AFAP1L1: variants seen among roughly 807,000 people sequenced by gnomAD.
AFAP1L1 encodes the protein actin filament associated protein 1 like 1.
AFAP1L1 carries 77 observed loss-of-function variants against 99.8 expected under a neutral mutation model. That is an observed-to-expected ratio of 0.77 (90% confidence interval 0.64 to 0.93). The LOEUF (loss-of-function observed/expected upper bound fraction) is 0.93. Ranked by LOEUF, AFAP1L1 falls within the 40% of genes least tolerant of loss-of-function variation. The pLI is 0.00. For missense variants in AFAP1L1, 893 were observed against 996.8 expected (o/e 0.90, Z 1.40); for synonymous variants, 373 against 395.3 (o/e 0.94, Z 0.67).
In AFAP1L1 at chr5:149,332,825, A is replaced by G. The variant is rs1323732398; in HGVS notation, c.2106A>G (p.Ala702=). 6.2e-7 allele frequency: 1 copy of G among 1,611,638 alleles called. No individual in the cohort carries two copies. Among genetic ancestry groups the G allele is most frequent in the South Asian group, 1.1e-5 (1 of 90,826 alleles). The change falls in exon 17 of 19, where the codon GCA becomes GCG. Residue 702 remains alanine (A), a synonymous_variant. Transcript: ENST00000296721. ...AVKERLQQSL[A]GGPALGLSVS... ...AGGAGCGCTTGCAGCAGTCCCTGGC[A>G]GGAGGGCCAGCCCTGGGGCTCTCCG...
intron 1 of AFAP1L1, among the ~76,000 whole-genome samples, chr5:149,280,004 T>C (rs779017143): frequency 1.6e-4 from 24 of 152,218 alleles, no homozygotes; most frequent in Non-Finnish European, 2.6e-4. Flanking sequence ...GTCTCTGCCC[T>C]TCCCCCAGGA....
chr5:149,321,305 A>G (rs1756945720), intron 14 of AFAP1L1, among the ~76,000 whole-genome samples: 1 of 152,370 alleles, frequency 6.6e-6, no homozygotes, highest in South Asian at 2.1e-4. Flanking sequence ...AAGACAGCTT[A>G]GCACTTAAGG....
intron 18 of AFAP1L1, among the ~76,000 whole-genome samples, chr5:149,339,380 C>T (rs1259597735): frequency 3.3e-5 from 5 of 151,820 alleles, no homozygotes; most frequent in Admixed American, 6.6e-5. Context: ...TTAGTAGAGA[C>T]GGGGGGTTTC....
chr5:149,295,030 C>T (rs567676152), intron 1 of AFAP1L1, among the ~76,000 whole-genome samples: 1 of 152,364 alleles, frequency 6.6e-6, no homozygotes, highest in South Asian at 2.1e-4. Context: ...CTGCCCAGCA[C>T]AGGGTAACTG....
At chr5:149,301,685 T>C (rs1413052534) in intron 4 of AFAP1L1, among the ~76,000 whole-genome samples, 1 of 152,164 alleles carries the variant, frequency 6.6e-6, no homozygotes, top group African/African-American at 2.4e-5. Flanking sequence ...GAGCCTGAGT[T>C]TGTCACCTAC....
chr5:149,307,634 A>G, intron 7 of AFAP1L1, 21 bp downstream of exon 7: 1 of 1,610,132 alleles, frequency 6.2e-7, no homozygotes, highest in Non-Finnish European at 8.5e-7. Flanking sequence ...AGCAGCAGCC[A>G]TGTGCCTCGG....
intron 3 of AFAP1L1, among the ~76,000 whole-genome samples, 176 bp downstream of exon 3, chr5:149,300,530 A>G (rs184142768): frequency 4.4e-4 from 67 of 152,348 alleles, no homozygotes; most frequent in African/African-American, 1.6e-3. Context: ...AAGTCTGCAT[A>G]GGAATAGGAA....
chr5:149,338,232 G>A (rs1757461430), intron 18 of AFAP1L1, among the ~76,000 whole-genome samples: 1 of 152,174 alleles, frequency 6.6e-6, no homozygotes, highest in Non-Finnish European at 1.5e-5. Context: ...TGGCTGAGGT[G>A]GGAGGATCCT....
Position 149,299,537 on chromosome 5 carries a change from C to G in AFAP1L1, c.45C>G (p.Thr15=), listed in dbSNP as rs199577925. 2 of 1,614,140 alleles carry G rather than the reference C, an allele frequency of 1.2e-6. No homozygotes were observed. Among genetic ancestry groups the G allele is most frequent in the East Asian group, 2.2e-5 (1 of 44,874 alleles). The change falls in exon 2 of 19, where the codon ACC becomes ACG. Residue 15 remains threonine (T), a synonymous_variant. Transcript: ENST00000296721. The part of the protein sequence containing the change: ...QVLEQLLPEL[T]GLLSLLDHEY... ...TGGAGCAGCTGCTCCCAGAGCTCAC[C>G]GGGCTGCTCAGCCTCCTGGACCACG...
intron 1 of AFAP1L1, among the ~76,000 whole-genome samples, chr5:149,293,050 C>A (rs971155881): frequency 6.6e-6 from 1 of 152,204 alleles, no homozygotes; most frequent in Non-Finnish European, 1.5e-5. Flanking sequence ...ATGAATAGTT[C>A]ACAGGATGAG....
At chr5:149,294,653 G>A (rs543031185) in intron 1 of AFAP1L1, among the ~76,000 whole-genome samples, 1 of 152,278 alleles carries the variant, frequency 6.6e-6, no homozygotes, top group African/African-American at 2.4e-5. Flanking sequence ...GTTCAAACAG[G>A]CCCAGTGGGG....
intron 1 of AFAP1L1, among the ~76,000 whole-genome samples, chr5:149,272,239 C>T (rs73275776): frequency 6.6e-6 from 1 of 152,268 alleles, no homozygotes; most frequent in East Asian, 1.9e-4. Context: ...CATAGGCTAA[C>T]GATTTGTAAC....
In AFAP1L1 at chr5:149,320,637, C is replaced by T. The variant is rs564675923; in HGVS notation, c.1698+174C>T. 2.0e-5 allele frequency among the ~76,000 whole-genome samples: 3 copies of T among 152,320 alleles called. No individual in the cohort carries two copies. The highest frequency in any genetic ancestry group is 2.9e-5 in the Non-Finnish European group (2 of 68,034). On this transcript the variant is annotated intron_variant, in intron 14 of 18. Coordinates refer to ENST00000296721, the MANE Select transcript of AFAP1L1 (RefSeq NM_152406.4). This position sits in a 1 kb window ranked among gnomAD's most constrained non-coding sequence, Gnocchi z 4.0. ...GGCTCAGGATGAGGAATCCCTGGCA[C>T]AGGAGGCTGGGTGGTGTGGTGGAAA... is the stretch of plus-strand genomic sequence containing the variant.
intron 1 of AFAP1L1, among the ~76,000 whole-genome samples, chr5:149,285,676 G>A (rs990796376): frequency 2.0e-5 from 3 of 152,158 alleles, no homozygotes; most frequent in Admixed American, 1.3e-4. Context: ...TCTTAGTTCA[G>A]ATTGCTGGAA....
chr5:149,302,833 C>T (rs569539046), intron 5 of AFAP1L1, among the ~76,000 whole-genome samples: 1 of 152,282 alleles, frequency 6.6e-6, no homozygotes, highest in South Asian at 2.1e-4. Flanking sequence ...GAAGCAGACG[C>T]ACCATGTCAG....
intron 1 of AFAP1L1, among the ~76,000 whole-genome samples, chr5:149,272,474 G>A (rs1240421877): frequency 6.6e-6 from 1 of 152,156 alleles, no homozygotes; most frequent in Non-Finnish European, 1.5e-5. Context: ...GTGCGCCAGG[G>A]AGGGAGGAGG....
chr5:149,271,890 G>C lies in AFAP1L1; in HGVS notation c.-79G>C. On this transcript the variant is annotated 5_prime_UTR_variant, in exon 1 of 19. Transcript: ENST00000296721. Reference sequence around the variant, plus strand: ...CGCCGGCCGCTGGGCTGGCCTGAGAGCGCAGCGCGCCGGCCGCTACCAGCC... The same window carrying C: ...CGCCGGCCGCTGGGCTGGCCTGAGACCGCAGCGCGCCGGCCGCTACCAGCC... 4 of 1,107,724 alleles carry C rather than the reference G, an allele frequency of 3.6e-6. No individual in the cohort carries two copies. Among genetic ancestry groups the C allele is most frequent in the Non-Finnish European group, 4.5e-6 (4 of 886,036 alleles). 68.6% of individuals were successfully genotyped at this position (1,107,724 alleles called of 1,614,324 possible). A position where few individuals can be genotyped will look rare whatever the true frequency, so the allele number is the denominator to read the frequency against.
intron 1 of AFAP1L1, among the ~76,000 whole-genome samples, chr5:149,291,037 C>A (rs892458798): frequency 6.6e-6 from 1 of 152,160 alleles, no homozygotes; most frequent in African/African-American, 2.4e-5. Context: ...TTGATGCTAC[C>A]ATGGCATAAA....
At chr5:149,334,839 G>T (rs941576135) in intron 17 of AFAP1L1, among the ~76,000 whole-genome samples, 1 of 151,982 alleles carries the variant, frequency 6.6e-6, no homozygotes, top group East Asian at 1.9e-4. Context: ...AACCTGGAAG[G>T]TGGACCTCCA....
Sources: gnomAD v4.1 joint callset for allele counts (sites outside exome capture counted in the v4.1 genomes callset) on GRCh38, gnomAD v4.1.1 for gene constraint, Gnocchi (gnomAD v3.1) non-coding constraint, MANE v1.5 for transcripts, NCBI Gene and HGNC (gene_info 2026-07-23, HGNC 2026-07-21) for gene names.